Variants in ARHGEF39 observed in about 807,000 individuals in gnomAD.
The protein encoded by ARHGEF39 is Rho guanine nucleotide exchange factor 39.
A neutral mutation model predicts 47.5 loss-of-function variants in ARHGEF39; 45 were observed. The ratio of observed to expected loss-of-function variants is 0.95; its 90% CI spans 0.75 to 1.22. ARHGEF39 has a LOEUF of 1.22. ARHGEF39 is among the 50% of genes most tolerant of loss of function. The probability of loss-of-function intolerance (pLI) is 0.00; values close to 1 mark genes in which losing one functional copy is unlikely to be tolerated. For synonymous variants in ARHGEF39, 164 were observed against 167.8 expected (o/e 0.98, Z 0.17); for missense variants, 411 against 425.3 (o/e 0.97, Z 0.30).
rs1224689333 is a variant in ARHGEF39 at position 35,662,756 on chromosome 9, C to T, written c.674-15G>A. The T allele has an allele frequency of 1.2e-5, 18 of 1,546,316 alleles. No homozygotes were observed. The highest frequency in any genetic ancestry group is 1.8e-4 in the Middle Eastern group (1 of 5,572). ...GAACCAGCGCCCTGGGGGATGGGAG[C>T]GCTGTTATTCTGGTGCAGCTTCAAG... is the stretch of plus-strand genomic sequence containing the variant. On this transcript the variant is annotated splice_polypyrimidine_tract_variant and intron_variant, in intron 6 of 8. Coordinates refer to ENST00000378387, the MANE Select transcript of ARHGEF39 (RefSeq NM_032818.3).
rs76753837 is a variant in ARHGEF39 at position 35,661,491 on chromosome 9, A to G, written c.*496T>C. 1,839 of 470,400 alleles carry G rather than the reference A, an allele frequency of 3.9e-3. 54 individuals carry two copies. In the East Asian group the frequency reaches 0.055, roughly 14 times the overall value. 29.1% of individuals were successfully genotyped at this position (470,400 alleles called of 1,614,324 possible). A position where few individuals can be genotyped will look rare whatever the true frequency, so the allele number is the denominator to read the frequency against. ...AATCCAGTGGAAAAATAAATGATAG[A>G]AACTATACACAACATAAAAATAGCC... On this transcript the variant is annotated 3_prime_UTR_variant, in exon 9 of 9. Transcript: ENST00000378387.
intron 3 of ARHGEF39, 90 bp from the exon 4 acceptor site, chr9:35,664,216 G>A: frequency 1.3e-6 from 2 of 1,524,104 alleles, no homozygotes; most frequent in Non-Finnish European, 1.8e-6. Flanking sequence ...CCTTCAGTAA[G>A]CTGTGCTCCT....
At chr9:35,664,530 C>A (rs1824135124) in intron 2 of ARHGEF39, 38 bp from the exon 3 acceptor site, 1 of 1,559,134 alleles carries the variant, frequency 6.4e-7, no homozygotes, top group Admixed American at 2.0e-5. Flanking sequence ...AGCTCTAGAA[C>A]CACTCAAGCA....
intron 4 of ARHGEF39, 107 bp downstream of exon 4, chr9:35,663,901 G>A (rs1054139619): frequency 1.7e-6 from 2 of 1,210,696 alleles, no homozygotes; most frequent in African/African-American, 3.0e-5. Context: ...ATTTGGCTCA[G>A]GGTCGAGGCA....
rs1824025454 is a variant in ARHGEF39, at chr9:35,662,726, CG to C, written c.688del (p.Arg230AlafsTer6). 6.4e-7 allele frequency: 1 copy of C among 1,562,650 alleles called. No homozygotes were observed. The highest frequency in any genetic ancestry group is 1.4e-5 in the African/African-American group (1 of 73,340). On this transcript the variant is annotated frameshift_variant, in exon 7 of 9. Coordinates refer to ENST00000378387, the MANE Select transcript of ARHGEF39 (RefSeq NM_032818.3). LOFTEE classifies it high-confidence loss of function. ...KGLTSGRWFL[R>X]QGWLLVVPPH... The stretch of plus-strand genomic sequence containing the variant: ...AGGCACCACTAACAGCCAGCCCTGG[CG>C]TAGGAACCAGCGCCCTGGGGGATGG...
At chr9:35,664,690 A>G in intron 2 of ARHGEF39, 66 bp downstream of exon 2, 2 of 1,533,314 alleles carry the variant, frequency 1.3e-6, no homozygotes, top group Non-Finnish European at 1.8e-6. Flanking sequence ...TCTGACTCCA[A>G]GCTCTGTGCA....
At position 35,664,416 on chromosome 9, in the gene ARHGEF39, T is replaced by A. The variant is rs569428426; in HGVS notation, c.310A>T (p.Asn104Tyr). 1 of 1,613,146 alleles carries A rather than the reference T, an allele frequency of 6.2e-7. No homozygotes were observed. Among genetic ancestry groups the A allele is most frequent in the Non-Finnish European group, 8.5e-7 (1 of 1,179,462 alleles). The change falls in exon 3 of 9, where the codon AAC (asparagine) becomes TAC (tyrosine). Residue 104 changes from asparagine to tyrosine, a missense_variant. Physicochemically the swap from Asn to Tyr is moderately radical, Grantham distance 143. Transcript: ENST00000378387. ...CTCTCTGAGTTGGCAGCAAATTGGT[T>A]ATAGAGCTCCAAGTGGCGGCAGAAG... ...EGFCRHLELYNQFAANSERSQ... is the reference protein window; with the variant it reads ...EGFCRHLELYYQFAANSERSQ...
At chr9:35,663,239 C>G (rs1824066112) in intron 5 of ARHGEF39, 83 bp downstream of exon 5, 1 of 1,565,716 alleles carries the variant, frequency 6.4e-7, no homozygotes, top group Non-Finnish European at 8.8e-7. Context: ...TAGGGTCATA[C>G]CAGACATTGT....
Position 35,664,375 on chromosome 9 carries a change from C to T in ARHGEF39, c.351G>A (p.Leu117=). Residue 117 remains leucine, a synonymous_variant, in exon 3 of 9, where the codon CTG becomes CTA. Coordinates refer to ENST00000378387, the MANE Select transcript of ARHGEF39 (RefSeq NM_032818.3). ...TTTGAGGTCATCTCCAGGTTACCTG[C>T]AGGGTGGTCTGGGACCTCTCTGAGT... ...AANSERSQTT[L]QEQLKKNKGF... 1 of 1,603,250 alleles carries T rather than the reference C, an allele frequency of 6.2e-7. No individual in the cohort carries two copies. The highest frequency in any genetic ancestry group is 8.5e-7 in the Non-Finnish European group (1 of 1,175,756).
Position 35,661,169 on chromosome 9 carries a change from A to G in ARHGEF39, c.*818T>C. The G allele has an allele frequency of 6.2e-7, 1 of 1,601,612 alleles. No homozygotes were observed. Among genetic ancestry groups the G allele is most frequent in the Non-Finnish European group, 8.5e-7 (1 of 1,172,490 alleles). On this transcript the variant is annotated 3_prime_UTR_variant, in exon 9 of 9. Transcript: ENST00000378387. ...GGACGACAGCTGAAGGTCGACTAAAACAAAGTCTGTTTTCATGATGGAGTG... is the reference window on the plus strand; with the variant it reads ...GGACGACAGCTGAAGGTCGACTAAAGCAAAGTCTGTTTTCATGATGGAGTG...
At position 35,662,955 on chromosome 9, in the gene ARHGEF39, G is replaced by C. The variant is rs1554653483; in HGVS notation, c.664C>G (p.Leu222Val). Reference protein sequence around the residue: ...ALLSGRQAKGLTSGRWFLRQG... With the variant: ...ALLSGRQAKGVTSGRWFLRQG... ...GAAGTAGGCAAGCTACCTGAGGTCA[G>C]CCCCTTTGCCTGGCGTCCACTGAGC... The change falls in exon 6 of 9, where the codon CTG (leucine) becomes GTG (valine). Residue 222 changes from leucine to valine, a missense_variant. By Grantham distance (32) the Leu-to-Val change is conservative. Coordinates refer to ENST00000378387, the MANE Select transcript of ARHGEF39 (RefSeq NM_032818.3). The C allele has an allele frequency of 3.3e-5, 53 of 1,606,098 alleles. No homozygotes were observed. In the South Asian group the frequency reaches 5.0e-4, roughly 15 times the overall value.
intron 4 of ARHGEF39, among the ~76,000 whole-genome samples, 158 bp from the exon 5 acceptor site, chr9:35,663,550 A>G (rs1248434976): frequency 6.6e-6 from 1 of 152,154 alleles, no homozygotes; most frequent in East Asian, 1.9e-4. Flanking sequence ...ACTCAGAACC[A>G]GGCTCACACC....
chr9:35,664,766 C>T lies in ARHGEF39; in HGVS notation c.223G>A (p.Gly75Ser), dbSNP rs1011482358. The change falls in exon 2 of 9, where the codon GGC becomes AGC. Residue 75 changes from glycine (G) to serine (S), a missense_variant. Physicochemically the swap from Gly to Ser is moderately conservative, Grantham distance 56. Transcript: ENST00000378387. ...ALFGSWELIY[G>S]ASQELLPYLE... is the part of the protein sequence containing the mutation. ...GCCCCTTCCACTCACTGGCTGGCGCCGTAGATGAGCTCCCAGGAGCCAAAC... is the reference window on the plus strand; with the variant it reads ...GCCCCTTCCACTCACTGGCTGGCGCTGTAGATGAGCTCCCAGGAGCCAAAC... 7 of 1,612,606 alleles carry T rather than the reference C, an allele frequency of 4.3e-6. No individual in the cohort carries two copies. Among genetic ancestry groups the T allele is most frequent in the Non-Finnish European group, 5.1e-6 (6 of 1,179,788 alleles).
rs1823946041 is a variant in ARHGEF39, at chr9:35,661,484, A to G, written c.*503T>C. ...TTACTCAAATCCAGTGGAAAAATAA[A>G]TGATAGAAACTATACACAACATAAA... On this transcript the variant is annotated 3_prime_UTR_variant, in exon 9 of 9. Coordinates refer to ENST00000378387, the MANE Select transcript of ARHGEF39 (RefSeq NM_032818.3). 1 of 472,020 alleles carries G rather than the reference A, an allele frequency of 2.1e-6. No homozygotes were observed. The highest frequency in any genetic ancestry group is 3.7e-6 in the Non-Finnish European group (1 of 269,822). 29.2% of individuals were successfully genotyped at this position (472,020 alleles called of 1,614,324 possible).
rs148445592 is a variant in ARHGEF39 at position 35,663,335 on chromosome 9, A to G, written c.531T>C (p.His177=). The change falls in exon 5 of 9, where the codon CAT becomes CAC. Residue 177 remains histidine (H), a synonymous_variant. Coordinates refer to ENST00000378387, the MANE Select transcript of ARHGEF39 (RefSeq NM_032818.3). ...AENTGPNSPD[H]QQLTRAARLI... ...GCAAGAACCTACGTGTGAGCTGTTG[A>G]TGGTCAGGGCTGTTGGGACCTGTGT... 9.5e-5 allele frequency: 153 copies of G among 1,613,910 alleles called. No individual in the cohort carries two copies. The highest frequency in any genetic ancestry group is 1.6e-4 in the Middle Eastern group (1 of 6,082).
Position 35,660,861 on chromosome 9 carries a change from G to A in ARHGEF39, c.*1126C>T, listed in dbSNP as rs1823895408. Reference sequence around the variant, plus strand: ...GGATATGGAGGCTTCAGAACCAGGTGAAGGCTCGGGAGGCGAGTCTGCTGG... The same window carrying A: ...GGATATGGAGGCTTCAGAACCAGGTAAAGGCTCGGGAGGCGAGTCTGCTGG... On this transcript the variant is annotated 3_prime_UTR_variant, in exon 9 of 9. Transcript: ENST00000378387. The A allele has an allele frequency of 1.2e-6, 2 of 1,614,206 alleles. No individual in the cohort carries two copies. Among genetic ancestry groups the A allele is most frequent in the Non-Finnish European group, 8.5e-7 (1 of 1,180,040 alleles).
intron 4 of ARHGEF39, 52 bp from the exon 5 acceptor site, chr9:35,663,444 C>T (rs1824081264): frequency 1.3e-6 from 2 of 1,497,456 alleles, no homozygotes; most frequent in Non-Finnish European, 1.9e-6. Flanking sequence ...GGCAGAATTC[C>T]CCCTGCCTGA....
chr9:35,662,858 TAAGAA>T (rs762295734), intron 6 of ARHGEF39, 83 bp downstream of exon 6: 5 of 1,567,002 alleles, frequency 3.2e-6, no homozygotes, highest in Non-Finnish European at 4.3e-6. Context: ...GAAGGGTGAG[TAAGAA>T]AAGAGCAGCT....
chr9:35,665,089 G>C lies in ARHGEF39; in HGVS notation c.81C>G (p.Ala27=). The C allele has an allele frequency of 3.9e-6, 6 of 1,552,948 alleles. No homozygotes were observed. Among genetic ancestry groups the C allele is most frequent in the Non-Finnish European group, 5.2e-6 (6 of 1,149,430 alleles). ...ARWERKRACT[A]RELLETERRY... is the part of the protein sequence containing the mutation. Reference sequence around the variant, plus strand: ...GCCGCTCGGTCTCTAGCAGCTCCCGGGCGGTGCAGGCGCGTTTCCGCTCCC... The same window carrying C: ...GCCGCTCGGTCTCTAGCAGCTCCCGCGCGGTGCAGGCGCGTTTCCGCTCCC... The change falls in exon 1 of 9, where the codon GCC becomes GCG. Residue 27 remains alanine (A), a synonymous_variant. Transcript: ENST00000378387.
Sources: gnomAD v4.1 joint callset for allele counts (sites outside exome capture counted in the v4.1 genomes callset) on GRCh38, gnomAD v4.1.1 for gene constraint, MANE v1.5 for transcripts, NCBI Gene and HGNC (gene_info 2026-07-23, HGNC 2026-07-21) for gene names.